Variants in IL20RB observed in about 807,000 individuals in gnomAD.
IL20RB encodes interleukin-20 receptor subunit beta.
A neutral mutation model predicts 33.3 loss-of-function variants in IL20RB; 21 were observed. The ratio of observed to expected loss-of-function variants is 0.63; its 90% CI spans 0.45 to 0.91. The LOEUF is 0.91. Among genes scored for constraint, IL20RB ranks in the 40% least tolerant of loss-of-function variants. The probability of loss-of-function intolerance (pLI) is 0.00; values close to 1 mark genes in which losing one functional copy is unlikely to be tolerated. For synonymous variants in IL20RB, 147 were observed against 146.8 expected (o/e 1.00, Z -0.01); for missense variants, 345 against 384.8 (o/e 0.90, Z 0.86).
At chr3:136,983,798 G>A (rs1355506479) in intron 3 of IL20RB, among the ~76,000 whole-genome samples, 1 of 152,188 alleles carries the variant, frequency 6.6e-6, no homozygotes, top group African/African-American at 2.4e-5. Flanking sequence ...GGCTTAGAAA[G>A]CTCAAAGGCA....
chr3:136,970,042 A>G (rs1218948316), intron 1 of IL20RB, among the ~76,000 whole-genome samples: 1 of 150,518 alleles, frequency 6.6e-6, no homozygotes, highest in African/African-American at 2.4e-5. Flanking sequence ...TTGCCTGCAG[A>G]TATCCAATTG....
intron 1 of IL20RB, among the ~76,000 whole-genome samples, chr3:136,971,250 C>T (rs577920364): frequency 5.9e-5 from 9 of 152,308 alleles, no homozygotes; most frequent in African/African-American, 2.2e-4. Context: ...CCCGCCTCAG[C>T]CTCCCAAGTA....
intron 6 of IL20RB, among the ~76,000 whole-genome samples, chr3:136,999,335 A>C (rs1002851378): frequency 6.6e-6 from 1 of 152,110 alleles, no homozygotes; most frequent in African/African-American, 2.4e-5. Flanking sequence ...GGCTCAAGCA[A>C]TCCTCCTGCT....
intron 6 of IL20RB, among the ~76,000 whole-genome samples, chr3:136,996,526 T>G (rs1942131074): frequency 6.6e-6 from 1 of 151,826 alleles, no homozygotes; most frequent in Non-Finnish European, 1.5e-5. Flanking sequence ...CTGAAAGGAG[T>G]CATCCTTGTG....
intron 1 of IL20RB, among the ~76,000 whole-genome samples, chr3:136,975,171 G>A (rs1941584122): frequency 6.6e-6 from 1 of 152,006 alleles, no homozygotes; most frequent in African/African-American, 2.4e-5. Flanking sequence ...GATGTCATAT[G>A]TCCTTGCCTT....
chr3:136,989,247 A>G (rs562344976), intron 3 of IL20RB, among the ~76,000 whole-genome samples, 194 bp from the exon 4 acceptor site: 3 of 152,346 alleles, frequency 2.0e-5, no homozygotes, highest in Non-Finnish European at 4.4e-5. Context: ...TCATCACTCA[A>G]AAAGCATTTA....
At chr3:136,999,106 ATTTT>A (rs1040132433) in intron 6 of IL20RB, among the ~76,000 whole-genome samples, 43 of 149,194 alleles carry the variant, frequency 2.9e-4, no homozygotes, top group African/African-American at 1.1e-3. Flanking sequence ...TTTTCTTTTT[ATTTT>A]TTTAGAGACA....
chr3:136,985,900 G>T (rs1407496638), intron 3 of IL20RB, among the ~76,000 whole-genome samples: 1 of 152,138 alleles, frequency 6.6e-6, no homozygotes, highest in Non-Finnish European at 1.5e-5. Context: ...AAAGAAATGG[G>T]CTCAAATTCT....
chr3:136,984,031 G>A (rs1252063381), intron 3 of IL20RB, among the ~76,000 whole-genome samples: 2 of 152,122 alleles, frequency 1.3e-5, no homozygotes, highest in East Asian at 1.9e-4. Context: ...TAGAGATGGG[G>A]TTTCACCATG....
intron 5 of IL20RB, among the ~76,000 whole-genome samples, chr3:136,995,022 C>T (rs1458841704): frequency 1.3e-5 from 2 of 152,172 alleles, no homozygotes; most frequent in African/African-American, 2.4e-5. Flanking sequence ...TTTCAGTTAC[C>T]GCCCAGCCCC....
At chr3:136,971,876 G>A (rs1325647683) in intron 1 of IL20RB, among the ~76,000 whole-genome samples, 1 of 152,146 alleles carries the variant, frequency 6.6e-6, no homozygotes, top group East Asian at 1.9e-4. Context: ...TGGATGGAAT[G>A]GTAATTCTGT....
chr3:136,984,673 A>G (rs895516170), intron 3 of IL20RB, among the ~76,000 whole-genome samples: 1 of 151,916 alleles, frequency 6.6e-6, no homozygotes, highest in African/African-American at 2.4e-5. Context: ...TGGGGCAGGA[A>G]TAGGACCATT....
intron 2 of IL20RB, 49 bp downstream of exon 2, chr3:136,980,641 C>G: frequency 6.2e-7 from 1 of 1,610,102 alleles, no homozygotes; most frequent in East Asian, 2.2e-5. Context: ...GAAGTTGGTT[C>G]CTGAAGGCAT....
At chr3:136,987,861 G>A (rs1941946354) in intron 3 of IL20RB, among the ~76,000 whole-genome samples, 1 of 152,160 alleles carries the variant, frequency 6.6e-6, no homozygotes, top group East Asian at 1.9e-4. Flanking sequence ...GGGGCCGGCA[G>A]GGCCGGCCGG....
intron 1 of IL20RB, chr3:136,959,364 C>G (rs974116450): frequency 2.0e-5 from 3 of 152,226 alleles, no homozygotes; most frequent in Non-Finnish European, 4.4e-5. Context: ...TCTTTGACCC[C>G]AGGTACTTTA....
intron 6 of IL20RB, among the ~76,000 whole-genome samples, chr3:136,997,042 T>C (rs899013244): frequency 3.9e-5 from 6 of 152,186 alleles, no homozygotes; most frequent in Non-Finnish European, 7.3e-5. Flanking sequence ...TGTTTTAATA[T>C]TGAGAGTAGG....
rs1941092714 is a variant in IL20RB, at chr3:136,958,159, T to C, written c.46T>C (p.Phe16Leu). ...MVLEEIWTSL[F>L]MWFFYALIPC... ...TCTAGAAGAAATCTGGACAAGTCTT[T>C]TCATGTGGTTTTTCTACGCATTGAT... The change falls in exon 1 of 7, where the codon TTC becomes CTC. Residue 16 changes from phenylalanine to leucine, a missense_variant. Transcript: ENST00000329582. 1.2e-6 allele frequency: 2 copies of C among 1,612,154 alleles called. No individual in the cohort carries two copies. The highest frequency in any genetic ancestry group is 1.1e-5 in the South Asian group (1 of 91,028).
At chr3:136,966,165 G>A (rs1236222568) in intron 1 of IL20RB, among the ~76,000 whole-genome samples, 16 of 142,780 alleles carry the variant, frequency 1.1e-4, no homozygotes, top group Non-Finnish European at 2.4e-4. Flanking sequence ...CTCTTTTTTT[G>A]TTGTGTCTCT....
chr3:136,976,700 T>C lies in IL20RB; in HGVS notation c.89-3766T>C, dbSNP rs886543546. The stretch of plus-strand genomic sequence containing the variant: ...TGCCCCAGTCTCAGCAGCAATAGCC[T>C]GAGTTTCCCTAATGCTTCAGTCTTG... On this transcript the variant is annotated intron_variant, in intron 1 of 6. Transcript: ENST00000329582. Among the ~76,000 whole-genome samples, 4 of 152,222 alleles carry C rather than the reference T, an allele frequency of 2.6e-5. No individual in the cohort carries two copies. The East Asian group carries it at 5.8e-4, about 22-fold the overall frequency.
Sources: allele counts gnomAD v4.1 joint callset (sites outside exome capture counted in the v4.1 genomes callset), GRCh38; gene constraint gnomAD v4.1.1; transcripts MANE v1.5; gene names NCBI Gene and HGNC (gene_info 2026-07-23, HGNC 2026-07-21).